Variants in BBS9 observed in about 807,000 individuals in gnomAD.
BBS9 encodes the protein protein PTHB1.
A neutral mutation model predicts 117.7 loss-of-function variants in BBS9; 89 were observed. That is an observed-to-expected ratio of 0.76 (90% CI 0.64 to 0.90). BBS9 has a LOEUF of 0.90. Ranked by LOEUF, BBS9 falls within the 40% of genes least tolerant of loss-of-function variation. The pLI is 0.00. For missense variants in BBS9, 982 were observed against 1,042.2 expected, an observed-to-expected ratio of 0.94 and a Z score of 0.80; for synonymous variants, 379 against 370.9, an observed-to-expected ratio of 1.02 and a Z score of -0.25.
intron 9 of BBS9, among the ~76,000 whole-genome samples, chr7:33,280,125 T>C (rs1225647756): frequency 6.6e-6 from 1 of 152,232 alleles, no homozygotes; most frequent in Non-Finnish European, 1.5e-5. Flanking sequence ...TATTTTAAAT[T>C]TGTTACTTAA....
At chr7:33,363,152 G>C (rs1584495663) in intron 16 of BBS9, among the ~76,000 whole-genome samples, 1 of 151,786 alleles carries the variant, frequency 6.6e-6, no homozygotes, top group East Asian at 1.9e-4. Context: ...GTCTAGGCTG[G>C]AGTGCAGTGG....
chr7:33,573,752 C>G (rs560445628), intron 21 of BBS9, among the ~76,000 whole-genome samples: 3 of 152,232 alleles, frequency 2.0e-5, no homozygotes, highest in South Asian at 2.1e-4. Flanking sequence ...TTTTATTTCT[C>G]ATTTACTCTC....
intron 17 of BBS9, among the ~76,000 whole-genome samples, chr7:33,374,917 A>C (rs919793241): frequency 5.3e-5 from 8 of 151,874 alleles, no homozygotes; most frequent in African/African-American, 1.7e-4. Context: ...AAAAAAAAAA[A>C]AAAAAACCTA....
intron 5 of BBS9, among the ~76,000 whole-genome samples, chr7:33,214,160 A>G (rs78476589): frequency 0.045 from 6,901 of 152,172 alleles, 231 homozygotes; most frequent in East Asian, 0.16. Context: ...TCAAGTTCCT[A>G]CCATTGGGAT....
At position 33,318,615 on chromosome 7, in the gene BBS9, C is replaced by T. The variant is rs186165392; in HGVS notation, c.1017-17826C>T. The stretch of plus-strand genomic sequence containing the variant: ...TTAATTTCCATAGGTTTTTGGGGAA[C>T]GGCGGTATTTGGTTACATGAGTAAG... On this transcript the variant is annotated intron_variant, in intron 9 of 22. Transcript: ENST00000242067. Among the ~76,000 whole-genome samples, 37 of 151,974 alleles carry T rather than the reference C, an allele frequency of 2.4e-4. No individual in the cohort carries two copies. The South Asian group carries it at 2.9e-3, about 12-fold the overall frequency.
At chr7:33,504,934 T>G (rs1399223737) in intron 19 of BBS9, among the ~76,000 whole-genome samples, 3 of 152,118 alleles carry the variant, frequency 2.0e-5, no homozygotes, top group Non-Finnish European at 4.4e-5. Context: ...GTCAAATGTT[T>G]GAACATTATC....
At chr7:33,376,612 T>C (rs1039452916) in intron 17 of BBS9, among the ~76,000 whole-genome samples, 32 of 152,220 alleles carry the variant, frequency 2.1e-4, no homozygotes, top group African/African-American at 7.5e-4. Flanking sequence ...TTTGAGGAAT[T>C]GCCACACTGC....
At chr7:33,592,670 G>T (rs1191569009) in intron 21 of BBS9, among the ~76,000 whole-genome samples, 2 of 152,012 alleles carry the variant, frequency 1.3e-5, no homozygotes, top group Non-Finnish European at 2.9e-5. Context: ...GACCCAGCTG[G>T]ACTCTCAGTT....
intron 5 of BBS9, among the ~76,000 whole-genome samples, chr7:33,215,515 T>G (rs1235639418): frequency 6.6e-6 from 1 of 152,186 alleles, no homozygotes; most frequent in Non-Finnish European, 1.5e-5. Flanking sequence ...AGAACTTAAT[T>G]AAGACCTGAA....
At chr7:33,534,238 C>T (rs1851029799) in intron 21 of BBS9, 62 bp downstream of exon 21, 2 of 1,517,350 alleles carry the variant, frequency 1.3e-6, no homozygotes, top group Non-Finnish European at 1.8e-6. Context: ...GAGGAATGTG[C>T]CTGTGGTTGT....
intron 19 of BBS9, among the ~76,000 whole-genome samples, chr7:33,493,569 G>A (rs1275956171): frequency 6.6e-6 from 1 of 152,132 alleles, no homozygotes. Flanking sequence ...ACATTTATAA[G>A]CATGGGACAA....
At chr7:33,408,115 G>A (rs1357622661) in intron 19 of BBS9, among the ~76,000 whole-genome samples, 1 of 152,230 alleles carries the variant, frequency 6.6e-6, no homozygotes, top group Non-Finnish European at 1.5e-5. Context: ...TGGCTGCTTT[G>A]TTTACCTAAG....
intron 20 of BBS9, among the ~76,000 whole-genome samples, chr7:33,508,345 C>T (rs998096646): frequency 1.3e-5 from 2 of 152,196 alleles, no homozygotes; most frequent in East Asian, 1.9e-4. Context: ...TGGGCTTCTT[C>T]GGTCATTCCT....
chr7:33,248,413 G>C (rs1795708759), intron 5 of BBS9, among the ~76,000 whole-genome samples: 1 of 152,124 alleles, frequency 6.6e-6, no homozygotes, highest in Admixed American at 6.5e-5. Flanking sequence ...TAATAAGAAA[G>C]AAGCTAGCTA....
At chr7:33,192,862 C>T (rs1249611344) in intron 5 of BBS9, among the ~76,000 whole-genome samples, 2 of 152,198 alleles carry the variant, frequency 1.3e-5, no homozygotes, top group Non-Finnish European at 2.9e-5. Context: ...AGCTACTTCC[C>T]TCCATTCTTT....
chr7:33,333,224 C>G (rs923345321), intron 9 of BBS9, among the ~76,000 whole-genome samples: 2 of 152,190 alleles, frequency 1.3e-5, no homozygotes, highest in Non-Finnish European at 2.9e-5. Flanking sequence ...ACCATCCCCT[C>G]CTGCCAGTCC....
chr7:33,402,872 C>G (rs943260484), intron 19 of BBS9, among the ~76,000 whole-genome samples: 2 of 151,850 alleles, frequency 1.3e-5, no homozygotes, highest in African/African-American at 4.8e-5. Context: ...TATATCGCTC[C>G]AGTGTCTGTT....
In BBS9 at chr7:33,250,229, G is replaced by T. The variant is rs574645687; in HGVS notation, c.443-7007G>T. 3.1e-4 allele frequency among the ~76,000 whole-genome samples: 47 copies of T among 152,046 alleles called. 1 individual carries two copies. The highest frequency in any genetic ancestry group is 2.1e-4 in the South Asian group (1 of 4,818). On this transcript the variant is annotated intron_variant, in intron 5 of 22. Transcript: ENST00000242067. ...TTCAGTCTTCTCGTGTATAAAATGG[G>T]ACTATTGTCTCTTTTTTAGAGTTAC...
At chr7:33,215,211 G>A (rs185505431) in intron 5 of BBS9, among the ~76,000 whole-genome samples, 2 of 152,248 alleles carry the variant, frequency 1.3e-5, no homozygotes, top group East Asian at 3.9e-4. Flanking sequence ...AAAGAACACA[G>A]CTGGAGGCAT....
Sources: gnomAD v4.1 joint callset for allele counts (sites outside exome capture counted in the v4.1 genomes callset) on GRCh38, gnomAD v4.1.1 for gene constraint, MANE v1.5 for transcripts, NCBI Gene and HGNC (gene_info 2026-07-23, HGNC 2026-07-21) for gene names.